Variants in NRG3 observed in about 807,000 individuals in gnomAD.
NRG3 encodes pro-neuregulin-3, membrane-bound isoform.
NRG3 carries 31 observed loss-of-function variants against 66.9 expected under a neutral mutation model. The observed-to-expected ratio is 0.46, with a 90% CI of 0.35 to 0.63. NRG3 has a LOEUF of 0.63. Among genes scored for constraint, NRG3 ranks in the 20% least tolerant of loss-of-function variants. NRG3 has a pLI of 0.00. For synonymous variants in NRG3, 393 were observed against 359.4 expected (o/e 1.09, Z -1.06); for missense variants, 910 against 878.9 (o/e 1.04, Z -0.45).
intron 1 of NRG3, among the ~76,000 whole-genome samples, chr10:81,954,997 C>G (rs918104354): frequency 4.0e-5 from 6 of 151,826 alleles, no homozygotes; most frequent in Non-Finnish European, 1.5e-5. Context: ...AAAAATATAA[C>G]TAAAGTCTGT....
chr10:82,330,174 T>G (rs1381723678), intron 1 of NRG3, among the ~76,000 whole-genome samples: 1 of 152,194 alleles, frequency 6.6e-6, no homozygotes, highest in Non-Finnish European at 1.5e-5. Context: ...TGGGCTAATA[T>G]TCTTTTAAAA....
intron 6 of NRG3, among the ~76,000 whole-genome samples, chr10:82,966,252 G>T (rs542805643): frequency 6.6e-6 from 1 of 152,056 alleles, no homozygotes; most frequent in East Asian, 1.9e-4. Context: ...CCCAGGTACC[G>T]CATTACATCT....
rs565225426 is a variant in NRG3, at chr10:82,622,906, G to A, written c.954-115671G>A. 2.0e-5 allele frequency among the ~76,000 whole-genome samples: 3 copies of A among 152,220 alleles called. No individual in the cohort carries two copies. In the East Asian group the frequency reaches 5.8e-4, roughly 29 times the overall value. The stretch of plus-strand genomic sequence containing the variant: ...TGTTTGAAGTAGACTAGCCTAAACT[G>A]TGATGAGCCATAGGTTAAGTGTATT... On this transcript the variant is annotated intron_variant, in intron 2 of 8. Transcript: ENST00000372141.
At chr10:82,710,050 A>T (rs181937372) in intron 2 of NRG3, among the ~76,000 whole-genome samples, 2 of 152,260 alleles carry the variant, frequency 1.3e-5, no homozygotes, top group Admixed American at 1.3e-4. Flanking sequence ...TGAACAACCT[A>T]TATTTATTTA....
At chr10:82,716,640 C>T (rs1218921763) in intron 2 of NRG3, among the ~76,000 whole-genome samples, 1 of 152,134 alleles carries the variant, frequency 6.6e-6, no homozygotes, top group Non-Finnish European at 1.5e-5. Context: ...GAGGCCCTGA[C>T]TCATTTCAGG....
intron 2 of NRG3, among the ~76,000 whole-genome samples, chr10:82,392,688 G>A (rs2086460473): frequency 6.6e-6 from 1 of 152,076 alleles, no homozygotes; most frequent in Non-Finnish European, 1.5e-5. Context: ...CAAGCTGAAA[G>A]CACTAAATCA....
chr10:82,837,031 T>C (rs1488197251), intron 3 of NRG3, among the ~76,000 whole-genome samples: 1 of 152,164 alleles, frequency 6.6e-6, no homozygotes, highest in Non-Finnish European at 1.5e-5. Flanking sequence ...CTGAGAATGA[T>C]GGTTTCCAGC....
chr10:82,979,236 T>C (rs999799), intron 8 of NRG3, 116 bp downstream of exon 8: 74,526 of 1,040,954 alleles, frequency 0.072, 3,416 homozygotes, highest in Admixed American at 0.16. Context: ...ACTGGCTATA[T>C]ATGCTTACTG....
intron 4 of NRG3, among the ~76,000 whole-genome samples, chr10:82,921,937 A>T (rs909520602): frequency 6.6e-6 from 1 of 152,176 alleles, no homozygotes. Context: ...TGTTTTTGAG[A>T]TTCTTATTTA....
At chr10:82,071,684 G>A (rs1293747183) in intron 1 of NRG3, among the ~76,000 whole-genome samples, 1 of 152,072 alleles carries the variant, frequency 6.6e-6, no homozygotes, top group African/African-American at 2.4e-5. Context: ...TGGAGGGCTT[G>A]GTTGATGAAG....
At chr10:82,427,031 C>T (rs2089492666) in intron 2 of NRG3, among the ~76,000 whole-genome samples, 1 of 152,030 alleles carries the variant, frequency 6.6e-6, no homozygotes, top group Non-Finnish European at 1.5e-5. Context: ...ATATAGGCCT[C>T]ATATCGTGCA....
chr10:82,496,221 G>A (rs377459203), intron 2 of NRG3, among the ~76,000 whole-genome samples: 1 of 152,190 alleles, frequency 6.6e-6, no homozygotes. Context: ...GATAAAATTT[G>A]AAGAAGAATT....
intron 2 of NRG3, among the ~76,000 whole-genome samples, chr10:82,564,761 G>GA (rs551640075): frequency 1.1e-4 from 16 of 150,830 alleles, no homozygotes; most frequent in East Asian, 3.9e-4. Context: ...ACTGTTAAAA[G>GA]AAAAAAAAAT....
At chr10:82,502,308 AG>A (rs1437245329) in intron 2 of NRG3, among the ~76,000 whole-genome samples, 8 of 152,164 alleles carry the variant, frequency 5.3e-5, no homozygotes, top group African/African-American at 1.7e-4. Context: ...TCAGGTCAGC[AG>A]TATCCTTCCC....
intron 1 of NRG3, among the ~76,000 whole-genome samples, chr10:82,182,687 A>C (rs1381074881): frequency 6.6e-6 from 1 of 151,882 alleles, no homozygotes; most frequent in Non-Finnish European, 1.5e-5. Context: ...ACAGTATTAT[A>C]GTATTGTATA....
chr10:82,851,612 C>A (rs1324751123), intron 3 of NRG3, among the ~76,000 whole-genome samples: 1 of 152,154 alleles, frequency 6.6e-6, no homozygotes, highest in Non-Finnish European at 1.5e-5. Context: ...ATATTTTTCT[C>A]TCTCTCTTTT....
intron 1 of NRG3, among the ~76,000 whole-genome samples, chr10:82,345,517 T>C (rs1448207973): frequency 6.6e-6 from 1 of 151,784 alleles, no homozygotes; most frequent in Non-Finnish European, 1.5e-5. Flanking sequence ...AGCTTTGTTC[T>C]TTTGGCTTAG....
chr10:82,739,378 G>A (rs1009371989), intron 3 of NRG3, among the ~76,000 whole-genome samples: 3 of 152,138 alleles, frequency 2.0e-5, no homozygotes, highest in African/African-American at 2.4e-5. Context: ...TAAAAAATGG[G>A]GATTTTCATT....
intron 2 of NRG3, among the ~76,000 whole-genome samples, chr10:82,683,120 G>A (rs1001817177): frequency 1.2e-4 from 18 of 151,704 alleles, no homozygotes; most frequent in Admixed American, 9.2e-4. Context: ...CACCACGCCC[G>A]GCTAATTTTT....
Sources: gnomAD v4.1 joint callset for allele counts (sites outside exome capture counted in the v4.1 genomes callset) on GRCh38, gnomAD v4.1.1 for gene constraint, MANE v1.5 for transcripts, NCBI Gene and HGNC (gene_info 2026-07-23, HGNC 2026-07-21) for gene names.